Variants in ITPR2 observed in about 807,000 individuals in gnomAD.
The protein encoded by ITPR2 is inositol 1,4,5-trisphosphate receptor type 2.
A neutral mutation model predicts 317.1 loss-of-function variants in ITPR2; 207 were observed. The observed-to-expected ratio is 0.65, with a 90% CI of 0.58 to 0.73. ITPR2 has a LOEUF of 0.73. Ranked by LOEUF, ITPR2 falls within the 30% of genes least tolerant of loss-of-function variation. The pLI is 0.00. For missense variants in ITPR2, 2,613 were observed against 3,284.0 expected (o/e 0.80, Z 4.99); for synonymous variants, 1,156 against 1,149.1 (o/e 1.01, Z -0.12).
chr12:26,595,333 T>A, intron 32 of ITPR2, 132 bp downstream of exon 32: 1 of 835,162 alleles, frequency 1.2e-6, no homozygotes, highest in Non-Finnish European at 1.9e-6. Flanking sequence ...TTCTGAAATT[T>A]ATTCACAACT....
intron 2 of ITPR2, among the ~76,000 whole-genome samples, chr12:26,784,376 T>C (rs1194410669): frequency 1.9e-4 from 23 of 120,654 alleles, no homozygotes; most frequent in African/African-American, 5.9e-4. Flanking sequence ...CACGGTCTCC[T>C]TCCACGGTCT....
intron 55 of ITPR2, among the ~76,000 whole-genome samples, chr12:26,342,497 T>TGGGGGGGG (rs57105007): frequency 2.6e-4 from 1 of 3,792 alleles, no homozygotes; most frequent in African/African-American, 7.2e-4. Flanking sequence ...GTCACGGCGG[T>TGGGGGGGG]GGGGGGGGGG....
chr12:26,444,523 C>T (rs1022392472), intron 45 of ITPR2, among the ~76,000 whole-genome samples: 1 of 151,962 alleles, frequency 6.6e-6, no homozygotes, highest in Non-Finnish European at 1.5e-5. Flanking sequence ...ACTTCAAGTA[C>T]ATGATCTTAT....
At chr12:26,405,331 A>T (rs970965510) in intron 52 of ITPR2, among the ~76,000 whole-genome samples, 4 of 152,212 alleles carry the variant, frequency 2.6e-5, no homozygotes, top group Non-Finnish European at 4.4e-5. Context: ...TAGCTATCAT[A>T]ATTATCATTA....
chr12:26,629,670 A>T (rs896147988), intron 22 of ITPR2, among the ~76,000 whole-genome samples: 1 of 150,002 alleles, frequency 6.7e-6, no homozygotes, highest in Admixed American at 6.6e-5. Context: ...ATCTGAATCA[A>T]TCTCCCTCCT....
chr12:26,825,773 C>T (rs2137302858), intron 1 of ITPR2, among the ~76,000 whole-genome samples: 1 of 152,268 alleles, frequency 6.6e-6, no homozygotes, highest in South Asian at 2.1e-4. Context: ...TTATGTTCAC[C>T]ACTTCAGAAA....
At chr12:26,451,922 A>G (rs186275269) in intron 45 of ITPR2, among the ~76,000 whole-genome samples, 1 of 152,330 alleles carries the variant, frequency 6.6e-6, no homozygotes, top group Non-Finnish European at 1.5e-5. Flanking sequence ...AGCATTGCAA[A>G]GTGTTGTGAC....
In ITPR2 at chr12:26,605,708, T is replaced by C. The variant is rs558236485; in HGVS notation, c.3463-3002A>G. 2.1e-4 allele frequency among the ~76,000 whole-genome samples: 32 copies of C among 152,326 alleles called. No homozygotes were observed. In the South Asian group the frequency reaches 6.4e-3, roughly 31 times the overall value. On this transcript the variant is annotated intron_variant, in intron 26 of 56. Transcript: ENST00000381340. ...TTTAGTTCAGCCCAGGTGAAGCACA[T>C]AGACAATGCTAAACTCTGTATGTGT...
intron 2 of ITPR2, among the ~76,000 whole-genome samples, chr12:26,769,025 A>ACACACACACACACACC (rs1441493996): frequency 2.7e-5 from 4 of 149,810 alleles, no homozygotes; most frequent in African/African-American, 1.0e-4. Context: ...ACACACACAC[A>ACACACACACACACACC]CCCCAATCTC....
intron 55 of ITPR2, among the ~76,000 whole-genome samples, chr12:26,378,309 A>T (rs1040646909): frequency 6.6e-6 from 1 of 152,058 alleles, no homozygotes; most frequent in African/African-American, 2.4e-5. Context: ...GACTGCAAAG[A>T]GCCAGAGGAC....
chr12:26,596,265 C>G (rs548100233), intron 31 of ITPR2, among the ~76,000 whole-genome samples: 1 of 152,210 alleles, frequency 6.6e-6, no homozygotes, highest in African/African-American at 2.4e-5. Flanking sequence ...TTCAAGTAAA[C>G]CTTTCAGTTT....
At chr12:26,619,630 A>C (rs1366589942) in intron 26 of ITPR2, among the ~76,000 whole-genome samples, 2 of 152,136 alleles carry the variant, frequency 1.3e-5, no homozygotes, top group African/African-American at 4.8e-5. Flanking sequence ...GATATCTAGA[A>C]TGCTACTGCC....
intron 39 of ITPR2, among the ~76,000 whole-genome samples, chr12:26,487,585 T>C (rs1405031960): frequency 6.6e-6 from 1 of 152,184 alleles, no homozygotes; most frequent in Admixed American, 6.5e-5. Flanking sequence ...TATAAAGTCA[T>C]GCATTGATTC....
chr12:26,496,468 G>A (rs530665607), intron 37 of ITPR2, among the ~76,000 whole-genome samples: 42 of 152,162 alleles, frequency 2.8e-4, no homozygotes, highest in African/African-American at 9.9e-4. Flanking sequence ...CTCCTTAGTT[G>A]CACAATCACT....
intron 37 of ITPR2, among the ~76,000 whole-genome samples, chr12:26,535,605 G>C (rs574834160): frequency 7.9e-5 from 12 of 152,274 alleles, no homozygotes; most frequent in African/African-American, 2.9e-4. Flanking sequence ...CAAGTACTTG[G>C]GGAAGTTGAG....
intron 1 of ITPR2, among the ~76,000 whole-genome samples, chr12:26,820,338 A>G (rs1236250187): frequency 6.6e-6 from 1 of 152,230 alleles, no homozygotes; most frequent in African/African-American, 2.4e-5. Flanking sequence ...AGATTTTAAA[A>G]TTAAATACGT....
At chr12:26,720,184 C>A (rs1368718064) in intron 5 of ITPR2, among the ~76,000 whole-genome samples, 1 of 152,160 alleles carries the variant, frequency 6.6e-6, no homozygotes, top group Non-Finnish European at 1.5e-5. Context: ...GTAATAGGAA[C>A]TATTACCTTT....
chr12:26,349,031 C>T lies in ITPR2; in HGVS notation c.7858-8703G>A, dbSNP rs185817578. Reference sequence around the variant, plus strand: ...TGTGTGGTGGCGCACACCTATAGTCCAAGCTACTTGGGAGGCTGAGGTGGA... The same window carrying T: ...TGTGTGGTGGCGCACACCTATAGTCTAAGCTACTTGGGAGGCTGAGGTGGA... On this transcript the variant is annotated intron_variant, in intron 55 of 56. Coordinates refer to ENST00000381340, the MANE Select transcript of ITPR2 (RefSeq NM_002223.4). Among the ~76,000 whole-genome samples the T allele has an allele frequency of 1.4e-3, 215 of 152,190 alleles. 3 individuals carry two copies. The highest frequency in any genetic ancestry group is 4.8e-3 in the African/African-American group (201 of 41,538).
At chr12:26,670,858 A>G (rs1565680613) in intron 13 of ITPR2, among the ~76,000 whole-genome samples, 1 of 152,246 alleles carries the variant, frequency 6.6e-6, no homozygotes, top group Non-Finnish European at 1.5e-5. Flanking sequence ...TGCTTAAAGG[A>G]GCGATGGAGC....
Sources: gnomAD v4.1 joint callset for allele counts (sites outside exome capture counted in the v4.1 genomes callset) on GRCh38, gnomAD v4.1.1 for gene constraint, MANE v1.5 for transcripts, NCBI Gene and HGNC (gene_info 2026-07-23, HGNC 2026-07-21) for gene names.